CELF2: variants seen among roughly 807,000 people sequenced by gnomAD.
CELF2 encodes the protein CUG triplet repeat RNA-binding protein 2.
CELF2 carries 8 observed loss-of-function variants against 62.6 expected under a neutral mutation model. The observed-to-expected ratio is 0.13, with a 90% CI of 0.07 to 0.23. The LOEUF (loss-of-function observed/expected upper bound fraction) is 0.23, where lower values mean the gene tolerates loss of function less well. CELF2 is among the 10% of genes least tolerant of loss of function. CELF2 has a pLI of 1.00. For synonymous variants in CELF2, 258 were observed against 250.0 expected (o/e 1.03, Z -0.30); for missense variants, 333 against 671.0 (o/e 0.50, Z 5.56).
rs537647675 is a variant in CELF2, at chr10:11,318,740, T to A, written c.1097-2449T>A. ...AAAGAGTTCAAAGTAGGAAGATAATTTTTCTGACCTGGAAATTAAAAAAAC... is the reference window on the plus strand; with the variant it reads ...AAAGAGTTCAAAGTAGGAAGATAATATTTCTGACCTGGAAATTAAAAAAAC... On this transcript the variant is annotated intron_variant, in intron 10 of 12. Coordinates refer to ENST00000633077, the MANE Select transcript of CELF2 (RefSeq NM_001326342.2). This position sits in a 1 kb window ranked among gnomAD's most constrained non-coding sequence, Gnocchi z 5.4. 4.3e-6 allele frequency: 2 copies of A among 467,052 alleles called. No individual in the cohort carries two copies. The highest frequency in any genetic ancestry group is 4.0e-5 in the African/African-American group (2 of 49,800). 28.9% of individuals were successfully genotyped at this position (467,052 alleles called of 1,614,324 possible).
At chr10:10,916,898 T>A (rs2064387533) in intron 1 of CELF2, among the ~76,000 whole-genome samples, 1 of 151,236 alleles carries the variant, frequency 6.6e-6, no homozygotes, top group Non-Finnish European at 1.5e-5. Flanking sequence ...CAGTCATGAG[T>A]CACTGCACCC....
chr10:10,801,593 C>T (rs984723321), intron 1 of CELF2, among the ~76,000 whole-genome samples: 13 of 152,110 alleles, frequency 8.5e-5, no homozygotes, highest in Admixed American at 2.6e-4. Context: ...CAGAGAATGG[C>T]GTGAGAGGCC....
chr10:10,757,990 C>CT, the CELF2 span, among the ~76,000 whole-genome samples: 10 of 152,210 alleles, frequency 6.6e-5, no homozygotes, highest in African/African-American at 2.4e-4. Flanking sequence ...GGCCTGCACT[C>CT]TGTCTACAGG....
intron 2 of CELF2, among the ~76,000 whole-genome samples, chr10:10,941,189 G>T (rs930761533): frequency 1.3e-5 from 2 of 152,232 alleles, no homozygotes; most frequent in Admixed American, 1.3e-4. Context: ...GCTTGGCAAT[G>T]ATTACTTTCT....
chr10:10,700,349 G>A, the CELF2 span, among the ~76,000 whole-genome samples: 5 of 152,190 alleles, frequency 3.3e-5, no homozygotes, highest in Non-Finnish European at 7.3e-5. Context: ...TGGGAGAATT[G>A]TTTACATGCA....
At chr10:10,584,438 A>G in the CELF2 span, among the ~76,000 whole-genome samples, 1 of 152,244 alleles carries the variant, frequency 6.6e-6, no homozygotes, top group Non-Finnish European at 1.5e-5. Flanking sequence ...TGAATGGTTG[A>G]AGTGTGGCCG....
chr10:10,827,640 C>G (rs191900479), intron 1 of CELF2, among the ~76,000 whole-genome samples: 8 of 152,246 alleles, frequency 5.3e-5, no homozygotes, highest in African/African-American at 1.7e-4. Context: ...CACAGGGGAG[C>G]TGATTTATGC....
intron 1 of CELF2, among the ~76,000 whole-genome samples, chr10:10,828,739 A>G (rs1449783979): frequency 6.6e-6 from 1 of 152,258 alleles, no homozygotes; most frequent in Non-Finnish European, 1.5e-5. Context: ...TGTTCCAAAC[A>G]GTATGTTAGA....
intron 1 of CELF2, among the ~76,000 whole-genome samples, chr10:10,852,988 A>T (rs918193784): frequency 6.6e-6 from 1 of 152,122 alleles, no homozygotes; most frequent in Non-Finnish European, 1.5e-5. Context: ...CATGATTATT[A>T]TTATTACTGA....
At chr10:11,202,911 C>T (rs1027726280) in intron 2 of CELF2, among the ~76,000 whole-genome samples, 2 of 59,600 alleles carry the variant, frequency 3.4e-5, no homozygotes, top group African/African-American at 1.6e-4. Flanking sequence ...ATCTCTCTCT[C>T]TCTCTCTCTC....
intron 2 of CELF2, among the ~76,000 whole-genome samples, chr10:11,184,247 G>C (rs1158171832): frequency 6.6e-6 from 1 of 152,188 alleles, no homozygotes; most frequent in Non-Finnish European, 1.5e-5. Context: ...ACCTGCTCCA[G>C]TGATCTTATT....
At chr10:11,049,528 C>CA in intron 1 of CELF2, among the ~76,000 whole-genome samples, 1 of 132,256 alleles carries the variant, frequency 7.6e-6, no homozygotes, top group Middle Eastern at 4.8e-3. Flanking sequence ...CTTTTTCTCC[C>CA]AACTTATTTG....
the CELF2 span, among the ~76,000 whole-genome samples, chr10:10,629,494 CTT>C: frequency 2.8e-4 from 42 of 152,142 alleles, no homozygotes; most frequent in Admixed American, 7.2e-4. Flanking sequence ...TTTTTAACCT[CTT>C]TTTAAAATTT....
intron 1 of CELF2, among the ~76,000 whole-genome samples, chr10:11,119,468 G>A (rs367894629): frequency 3.2e-4 from 49 of 152,090 alleles, no homozygotes; most frequent in African/African-American, 1.2e-3. Flanking sequence ...ATGTCTTATA[G>A]CAATCAGATT....
chr10:11,002,904 A>G (rs953216709), upstream of CELF2, among the ~76,000 whole-genome samples: 6 of 152,238 alleles, frequency 3.9e-5, no homozygotes, highest in Non-Finnish European at 7.3e-5. This position sits in a 1 kb window ranked among gnomAD's most constrained non-coding sequence, Gnocchi z 4.4. Flanking sequence ...TTAAACATAA[A>G]TTCATTCCTT....
the CELF2 span, among the ~76,000 whole-genome samples, chr10:10,687,728 C>T: frequency 7.0e-3 from 1,071 of 152,338 alleles, 4 homozygotes; most frequent in Non-Finnish European, 8.2e-3. Context: ...AGAATTAATG[C>T]TGTCTAAAAG....
At chr10:10,773,211 C>T in the CELF2 span, among the ~76,000 whole-genome samples, 1 of 152,094 alleles carries the variant, frequency 6.6e-6, no homozygotes, top group Non-Finnish European at 1.5e-5. Flanking sequence ...TATATTGACC[C>T]ACCTTTTAAG....
chr10:10,971,979 T>C (rs950880024), intron 2 of CELF2, among the ~76,000 whole-genome samples: 1 of 152,234 alleles, frequency 6.6e-6, no homozygotes, highest in African/African-American at 2.4e-5. Context: ...TACAACATGA[T>C]GTTTTGATAC....
At chr10:10,826,674 C>T (rs1193654571) in intron 1 of CELF2, among the ~76,000 whole-genome samples, 1 of 152,088 alleles carries the variant, frequency 6.6e-6, no homozygotes, top group Non-Finnish European at 1.5e-5. Flanking sequence ...AGTTCGAGAT[C>T]CAGATGATGA....
Sources: allele counts gnomAD v4.1 joint callset (sites outside exome capture counted in the v4.1 genomes callset), GRCh38; gene constraint gnomAD v4.1.1; non-coding constraint Gnocchi (gnomAD v3.1); transcripts MANE v1.5; gene names NCBI Gene and HGNC (gene_info 2026-07-23, HGNC 2026-07-21).